Variants in ANK3 observed in about 807,000 individuals in gnomAD.
ANK3 encodes ankyrin 3.
ANK3 carries 57 observed loss-of-function variants against 370.9 expected under a neutral mutation model. The ratio of observed to expected loss-of-function variants is 0.15; its 90% CI spans 0.12 to 0.19. ANK3 has a LOEUF of 0.19. Ranked by LOEUF, ANK3 falls within the 10% of genes least tolerant of loss-of-function variation. The pLI is 1.00. For missense variants in ANK3, 4,439 were observed against 5,302.1 expected (o/e 0.84, Z 5.06); for synonymous variants, 1,929 against 1,946.3 (o/e 0.99, Z 0.23).
At chr10:60,581,616 T>A (rs1567162591) in intron 2 of ANK3, among the ~76,000 whole-genome samples, 2 of 151,566 alleles carry the variant, frequency 1.3e-5, no homozygotes, top group Admixed American at 6.6e-5. Context: ...TTTTTGTAGT[T>A]TTTAGTAGAG....
intron 1 of ANK3, among the ~76,000 whole-genome samples, chr10:60,302,095 A>G (rs1180531793): frequency 6.6e-6 from 1 of 152,208 alleles, no homozygotes; most frequent in African/African-American, 2.4e-5. Context: ...TAAAACTGAG[A>G]AAATCCCTAT....
chr10:60,342,845 C>G (rs1376553052), intron 1 of ANK3, among the ~76,000 whole-genome samples: 1 of 152,104 alleles, frequency 6.6e-6, no homozygotes, highest in Non-Finnish European at 1.5e-5. Context: ...TTCCATGACC[C>G]AGTACATTTG....
chr10:60,207,993 G>A (rs777765088), intron 10 of ANK3, 43 bp downstream of exon 10: 4 of 1,553,384 alleles, frequency 2.6e-6, no homozygotes, highest in Admixed American at 3.3e-5. Flanking sequence ...AGCACGTTGT[G>A]AGCAAGACAA....
At chr10:60,704,099 A>G (rs1329415973) in intron 1 of ANK3, among the ~76,000 whole-genome samples, 1 of 152,202 alleles carries the variant, frequency 6.6e-6, no homozygotes, top group East Asian at 1.9e-4. Context: ...TGGAGAGGCT[A>G]TGTTCTCAGC....
At chr10:60,278,228 A>G (rs2098117261) in intron 4 of ANK3, among the ~76,000 whole-genome samples, 1 of 152,230 alleles carries the variant, frequency 6.6e-6, no homozygotes, top group South Asian at 2.1e-4. Flanking sequence ...AGCTAGCATC[A>G]TAAAATAGTG....
intron 2 of ANK3, among the ~76,000 whole-genome samples, chr10:60,596,973 TTACA>T (rs1257866384): frequency 6.6e-6 from 1 of 152,120 alleles, no homozygotes; most frequent in East Asian, 1.9e-4. Flanking sequence ...GAAAGACTAT[TTACA>T]TAAAAAATTG....
intron 1 of ANK3, among the ~76,000 whole-genome samples, chr10:60,719,806 G>A (rs571618154): frequency 1.3e-5 from 2 of 152,020 alleles, no homozygotes; most frequent in East Asian, 1.9e-4. Flanking sequence ...ATATTACTTG[G>A]TTATACATTT....
intron 4 of ANK3, among the ~76,000 whole-genome samples, chr10:60,274,172 C>T (rs186056344): frequency 1.1e-3 from 164 of 152,230 alleles, no homozygotes; most frequent in Non-Finnish European, 2.4e-4. Flanking sequence ...TAGGGTCTCA[C>T]TATGTTGCTG....
At chr10:60,138,435 A>G in intron 24 of ANK3, 1 of 361,946 alleles carries the variant, frequency 2.8e-6, no homozygotes, top group Non-Finnish European at 4.9e-6. Context: ...TACTTCTTAC[A>G]TGTCCCTTGT....
intron 1 of ANK3, among the ~76,000 whole-genome samples, chr10:60,669,272 C>G (rs2079037020): frequency 6.6e-6 from 1 of 152,212 alleles, no homozygotes; most frequent in Admixed American, 6.5e-5. Context: ...CGCTAAATAA[C>G]TTGACAAACT....
At chr10:60,484,272 T>TAATG (rs2075295311) in intron 2 of ANK3, among the ~76,000 whole-genome samples, 1 of 152,194 alleles carries the variant, frequency 6.6e-6, no homozygotes, top group South Asian at 2.1e-4. Flanking sequence ...ACTGGGCTTA[T>TAATG]AATGAGAGTA....
chr10:60,631,456 C>T (rs1213038466), intron 1 of ANK3, among the ~76,000 whole-genome samples: 5 of 151,934 alleles, frequency 3.3e-5, no homozygotes, highest in African/African-American at 7.3e-5. Context: ...TGCTTGAACC[C>T]GGGAGGCAGA....
chr10:60,241,589 C>T (rs2097459415), intron 7 of ANK3, among the ~76,000 whole-genome samples: 1 of 152,084 alleles, frequency 6.6e-6, no homozygotes, highest in Admixed American at 6.5e-5. Context: ...AGGTACTACC[C>T]CTTCTATTTC....
intron 1 of ANK3, among the ~76,000 whole-genome samples, chr10:60,647,282 G>C (rs760854644): frequency 6.6e-6 from 1 of 152,130 alleles, no homozygotes; most frequent in Non-Finnish European, 1.5e-5. Context: ...TCATTTAAAA[G>C]CTTTTTGGTT....
At chr10:60,135,037 C>T (rs893098384) in intron 24 of ANK3, among the ~76,000 whole-genome samples, 16 of 152,210 alleles carry the variant, frequency 1.1e-4, no homozygotes, top group Non-Finnish European at 1.2e-4. Context: ...GTCAAATCCT[C>T]CATATGGCCC....
chr10:60,075,611 C>T lies in ANK3; in HGVS notation c.5270G>A (p.Ser1757Asn). The change falls in exon 37 of 44, where the codon AGT becomes AAT. Residue 1757 changes from serine to asparagine, a missense_variant. By Grantham distance (46) the Ser-to-Asn change is conservative. Transcript: ENST00000280772. ...TTTCTCAACTGTGTCAGTGGCTGCA[C>T]TGACCACAGAGCTCACAGAGTTTGT... ...SATNSVSSVV[S>N]AATDTVEKVF... The T allele has an allele frequency of 6.2e-7, 1 of 1,614,128 alleles. No homozygotes were observed. The highest frequency in any genetic ancestry group is 1.7e-5 in the Admixed American group (1 of 59,996).
intron 1 of ANK3, among the ~76,000 whole-genome samples, chr10:60,697,733 CA>C (rs1204894057): frequency 3.3e-5 from 5 of 152,086 alleles, no homozygotes; most frequent in Admixed American, 2.0e-4. Flanking sequence ...CCCTTCCTTA[CA>C]CCTTATATAA....
chr10:60,300,584 A>T (rs932617846), intron 1 of ANK3: 5 of 1,152,998 alleles, frequency 4.3e-6, no homozygotes, highest in Non-Finnish European at 5.4e-6. Flanking sequence ...TACCTCCCAG[A>T]ATTCCCCACG....
At chr10:60,566,785 G>A (rs903127946) in intron 2 of ANK3, among the ~76,000 whole-genome samples, 2 of 152,178 alleles carry the variant, frequency 1.3e-5, no homozygotes, top group Non-Finnish European at 2.9e-5. Context: ...CTGAAGTGGA[G>A]GATTGCTGGA....
Sources: gnomAD v4.1 joint callset for allele counts (sites outside exome capture counted in the v4.1 genomes callset) on GRCh38, gnomAD v4.1.1 for gene constraint, MANE v1.5 for transcripts, NCBI Gene and HGNC (gene_info 2026-07-23, HGNC 2026-07-21) for gene names.